MACROD2: variants seen among roughly 807,000 people sequenced by gnomAD.
MACROD2 encodes ADP-ribose glycohydrolase MACROD2.
In MACROD2, 36 loss-of-function variants were observed where a neutral mutation model predicts 70.4. That is an observed-to-expected ratio of 0.51 (90% confidence interval 0.39 to 0.68). The LOEUF (loss-of-function observed/expected upper bound fraction) is 0.68, where lower values mean the gene tolerates loss of function less well. Ranked by LOEUF, MACROD2 falls within the 30% of genes least tolerant of loss-of-function variation. MACROD2 has a pLI of 0.00. For synonymous variants in MACROD2, 172 were observed against 178.8 expected, an observed-to-expected ratio of 0.96 and a Z score of 0.30; for missense variants, 496 against 538.4, an observed-to-expected ratio of 0.92 and a Z score of 0.78.
chr20:15,733,853 A>G (rs2050980779), intron 8 of MACROD2, among the ~76,000 whole-genome samples: 1 of 152,178 alleles, frequency 6.6e-6, no homozygotes, highest in Non-Finnish European at 1.5e-5. Context: ...TCACCTTGAC[A>G]CACTGGAGAG....
chr20:15,757,980 C>T (rs2051373398), intron 8 of MACROD2, among the ~76,000 whole-genome samples: 1 of 152,152 alleles, frequency 6.6e-6, no homozygotes, highest in South Asian at 2.1e-4. Context: ...TACTCCTTCC[C>T]AAACCATGCC....
intron 6 of MACROD2, among the ~76,000 whole-genome samples, chr20:15,261,213 A>G (rs552120349): frequency 6.6e-6 from 1 of 152,006 alleles, no homozygotes; most frequent in African/African-American, 2.4e-5. Context: ...TTGGATTTAT[A>G]CGGTTTGGCA....
chr20:14,500,361 A>T (rs1158185505), intron 4 of MACROD2, among the ~76,000 whole-genome samples: 1 of 152,164 alleles, frequency 6.6e-6, no homozygotes, highest in African/African-American at 2.4e-5. Flanking sequence ...TCCCCGCTTT[A>T]CTTTCTCTTG....
At chr20:15,571,014 C>A (rs1480428657) in intron 8 of MACROD2, among the ~76,000 whole-genome samples, 1 of 152,188 alleles carries the variant, frequency 6.6e-6, no homozygotes, top group Non-Finnish European at 1.5e-5. Context: ...TTTCTACCCA[C>A]TATTATCATC....
At chr20:15,440,719 T>G (rs1412534446) in intron 7 of MACROD2, among the ~76,000 whole-genome samples, 1 of 152,178 alleles carries the variant, frequency 6.6e-6, no homozygotes, top group Admixed American at 6.5e-5. Flanking sequence ...AAGAGTTCTC[T>G]TATGTAATGC....
At chr20:15,330,849 A>T (rs2077984101) in intron 6 of MACROD2, among the ~76,000 whole-genome samples, 1 of 151,608 alleles carries the variant, frequency 6.6e-6, no homozygotes, top group Admixed American at 6.6e-5. Flanking sequence ...CAAGAGTAAA[A>T]TTCTGTTCTC....
At position 14,985,812 on chromosome 20, in the gene MACROD2, G is replaced by A. The variant is rs1747293606; in HGVS notation, c.419-244128G>A. 3.3e-5 allele frequency among the ~76,000 whole-genome samples: 5 copies of A among 151,266 alleles called. No homozygotes were observed. The South Asian group carries it at 1.1e-3, about 32-fold the overall frequency. The stretch of plus-strand genomic sequence containing the variant: ...TTTAGAGATATGGGGCCAGGGTCGG[G>A]GGCAGGGAAGGAAGGGAAGTCTCAC... On this transcript the variant is annotated intron_variant, in intron 5 of 17. Transcript: ENST00000684519.
intron 13 of MACROD2, among the ~76,000 whole-genome samples, chr20:15,973,091 T>C (rs2066254933): frequency 6.6e-6 from 1 of 152,094 alleles, no homozygotes; most frequent in Admixed American, 6.6e-5. Context: ...GGAGAGGAGA[T>C]ACTGCCGGGA....
In MACROD2 at chr20:15,023,659, T is replaced by A. The variant is rs967962074; in HGVS notation, c.419-206281T>A. Among the ~76,000 whole-genome samples, 44 of 152,200 alleles carry A rather than the reference T, an allele frequency of 2.9e-4. 1 individual carries two copies. The highest frequency in any genetic ancestry group is 2.4e-3 in the Admixed American group (37 of 15,274). On this transcript the variant is annotated intron_variant, in intron 5 of 17. Transcript: ENST00000684519. Reference sequence around the variant, plus strand: ...AGGCAAGAGGGTGTGTGCAGGAGAATTCCCCTTTAGAAAACCATCAGATCT... The same window carrying A: ...AGGCAAGAGGGTGTGTGCAGGAGAAATCCCCTTTAGAAAACCATCAGATCT...
At chr20:14,078,022 C>T (rs1241556407) in intron 2 of MACROD2, among the ~76,000 whole-genome samples, 1 of 151,848 alleles carries the variant, frequency 6.6e-6, no homozygotes, top group Non-Finnish European at 1.5e-5. Flanking sequence ...CCTGCCTCAG[C>T]CTCCCGAGTA....
intron 5 of MACROD2, among the ~76,000 whole-genome samples, chr20:15,226,295 C>T (rs1043923114): frequency 6.6e-6 from 1 of 152,170 alleles, no homozygotes; most frequent in African/African-American, 2.4e-5. Context: ...GAGATGGTAA[C>T]TTTCTGTCAT....
At chr20:14,597,494 C>T (rs1370599648) in intron 4 of MACROD2, among the ~76,000 whole-genome samples, 3 of 152,120 alleles carry the variant, frequency 2.0e-5, no homozygotes, top group Non-Finnish European at 4.4e-5. Context: ...GAAACTTTGT[C>T]ATCTTCAAAT....
intron 5 of MACROD2, among the ~76,000 whole-genome samples, chr20:14,818,869 T>G (rs2122200294): frequency 2.5e-5 from 3 of 120,144 alleles, no homozygotes; most frequent in East Asian, 2.6e-4. Flanking sequence ...GAGATAGAGG[T>G]GGCTGCTGTG....
At chr20:13,998,161 A>G (rs1262776036) in intron 1 of MACROD2, among the ~76,000 whole-genome samples, 2 of 152,184 alleles carry the variant, frequency 1.3e-5, no homozygotes, top group Non-Finnish European at 2.9e-5. Flanking sequence ...GTTTTATGAA[A>G]TGACAAAGAA....
chr20:15,915,320 G>A (rs2065298230), intron 10 of MACROD2, among the ~76,000 whole-genome samples: 1 of 151,910 alleles, frequency 6.6e-6, no homozygotes, highest in Non-Finnish European at 1.5e-5. Flanking sequence ...CTTATTATTA[G>A]GCTTAAACTC....
At chr20:14,751,667 A>G (rs974373506) in intron 5 of MACROD2, among the ~76,000 whole-genome samples, 2 of 152,152 alleles carry the variant, frequency 1.3e-5, no homozygotes, top group African/African-American at 2.4e-5. Context: ...CTCAATGGCT[A>G]GACAGGCGTG....
At chr20:15,235,593 T>C (rs1052640549) in intron 6 of MACROD2, among the ~76,000 whole-genome samples, 3 of 152,234 alleles carry the variant, frequency 2.0e-5, no homozygotes, top group African/African-American at 7.2e-5. Context: ...GTGTAGGTTT[T>C]CATTTTAAGG....
intron 8 of MACROD2, among the ~76,000 whole-genome samples, chr20:15,538,760 G>T (rs1008896984): frequency 3.3e-5 from 5 of 152,122 alleles, no homozygotes; most frequent in Non-Finnish European, 7.4e-5. Flanking sequence ...GTAAAGAAAT[G>T]CTGAAGAAAT....
At chr20:15,762,417 T>A (rs2051450677) in intron 8 of MACROD2, among the ~76,000 whole-genome samples, 1 of 152,190 alleles carries the variant, frequency 6.6e-6, no homozygotes, top group Admixed American at 6.6e-5. Flanking sequence ...AAAAGATGCA[T>A]AGGTGGGCTC....
Sources: gnomAD v4.1 joint callset for allele counts (sites outside exome capture counted in the v4.1 genomes callset) on GRCh38, gnomAD v4.1.1 for gene constraint, MANE v1.5 for transcripts, NCBI Gene and HGNC (gene_info 2026-07-23, HGNC 2026-07-21) for gene names.